The following LINGO2 variants were observed in gnomAD, a reference collection of about 807,000 sequenced individuals.
LINGO2 encodes leucine-rich repeat and immunoglobulin-like domain-containing nogo receptor-interacting protein 2.
LINGO2 carries 14 observed loss-of-function variants against 30.6 expected under a neutral mutation model. The observed-to-expected ratio is 0.46, with a 90% confidence interval of 0.30 to 0.72. LINGO2 has a LOEUF of 0.72. Ranked by LOEUF, LINGO2 falls within the 30% of genes least tolerant of loss-of-function variation. The probability of loss-of-function intolerance (pLI) is 0.07; values close to 1 mark genes in which losing one functional copy is unlikely to be tolerated. For synonymous variants in LINGO2, 317 were observed against 288.5 expected, an observed-to-expected ratio of 1.10 and a Z score of -1.00; for missense variants, 729 against 751.7, an observed-to-expected ratio of 0.97 and a Z score of 0.35.
the LINGO2 span, among the ~76,000 whole-genome samples, chr9:28,882,773 T>C: frequency 1.3e-5 from 2 of 152,150 alleles, no homozygotes; most frequent in African/African-American, 2.4e-5. Context: ...ATCCTCCCTA[T>C]CCTTTGCTGC....
At chr9:29,176,455 C>T in the LINGO2 span, among the ~76,000 whole-genome samples, 15 of 152,192 alleles carry the variant, frequency 9.9e-5, no homozygotes, top group Non-Finnish European at 1.8e-4. Context: ...TCTTTACAAT[C>T]CCTGTCCCCT....
the LINGO2 span, among the ~76,000 whole-genome samples, chr9:28,788,281 G>T: frequency 6.6e-6 from 1 of 152,148 alleles, no homozygotes; most frequent in Non-Finnish European, 1.5e-5. Context: ...CTACACTACA[G>T]TGAACTGTGT....
At chr9:28,418,719 T>C (rs1241882614) in intron 2 of LINGO2, among the ~76,000 whole-genome samples, 2 of 152,134 alleles carry the variant, frequency 1.3e-5, no homozygotes, top group Admixed American at 1.3e-4. Context: ...ATTTAATAAA[T>C]GCAAATGATC....
At position 28,517,978 on chromosome 9, in the gene LINGO2, G is replaced by A. The variant is rs76899834; in HGVS notation, c.-364-41953C>T. On this transcript the variant is annotated intron_variant, in intron 1 of 5. Coordinates refer to ENST00000379992, the Ensembl canonical transcript of LINGO2. Reference sequence around the variant, plus strand: ...ACATAGCAGTCTGGAAATGAGAAACGCAAAGCCAATTGGATTCCAAGATCT... The same window carrying A: ...ACATAGCAGTCTGGAAATGAGAAACACAAAGCCAATTGGATTCCAAGATCT... 5.5e-3 allele frequency among the ~76,000 whole-genome samples: 843 copies of A among 152,214 alleles called. 9 individuals carry two copies. The highest frequency in any genetic ancestry group is 0.019 in the African/African-American group (807 of 41,532).
In LINGO2 at chr9:28,507,007, G is replaced by A. The variant is rs180870102; in HGVS notation, c.-364-30982C>T. On this transcript the variant is annotated intron_variant, in intron 1 of 5. Transcript: ENST00000379992. ...GTGTAATGGAAAGTTCACACAATTTGGAATTAAACAAAAAGTTTGAATCTT... is the reference window on the plus strand; with the variant it reads ...GTGTAATGGAAAGTTCACACAATTTAGAATTAAACAAAAAGTTTGAATCTT... 4.4e-4 allele frequency among the ~76,000 whole-genome samples: 67 copies of A among 152,128 alleles called. 1 individual carries two copies. The highest frequency in any genetic ancestry group is 6.8e-3 in the Middle Eastern group (2 of 294).
intron 3 of LINGO2, among the ~76,000 whole-genome samples, chr9:28,353,721 C>G (rs868028789): frequency 6.6e-6 from 1 of 152,032 alleles, no homozygotes; most frequent in Non-Finnish European, 1.5e-5. Context: ...TATTGCGGCA[C>G]TATTCACAAT....
chr9:28,093,488 A>G (rs1057494871), intron 4 of LINGO2, among the ~76,000 whole-genome samples: 2 of 152,096 alleles, frequency 1.3e-5, no homozygotes, highest in Admixed American at 1.3e-4. Flanking sequence ...GACTGTATTT[A>G]GTGTGGCAAT....
chr9:28,863,567 C>T, the LINGO2 span: 23 of 506,778 alleles, frequency 4.5e-5, no homozygotes, highest in Non-Finnish European at 9.4e-5. Context: ...GGCTTGTTCT[C>T]AATGGCTCAG....
chr9:29,138,085 C>T, the LINGO2 span, among the ~76,000 whole-genome samples: 28 of 151,648 alleles, frequency 1.8e-4, no homozygotes, highest in African/African-American at 6.1e-4. Context: ...AAGCCAATTA[C>T]GGATTATACT....
In LINGO2 at chr9:28,643,838, G is replaced by A. The variant is rs73445518; in HGVS notation, c.-365+26362C>T. The stretch of plus-strand genomic sequence containing the variant: ...TATAAGGAGGTCAAACAACTCTATA[G>A]AAAAAAACATAAAAATCCACTTTAA... On this transcript the variant is annotated intron_variant, in intron 1 of 5. Coordinates refer to ENST00000379992, the Ensembl canonical transcript of LINGO2. Among the ~76,000 whole-genome samples the A allele has an allele frequency of 1.7e-3, 256 of 151,884 alleles. 1 individual carries two copies. The highest frequency in any genetic ancestry group is 5.8e-3 in the African/African-American group (239 of 41,440).
the LINGO2 span, among the ~76,000 whole-genome samples, chr9:28,802,655 C>T: frequency 6.6e-6 from 1 of 151,858 alleles, no homozygotes; most frequent in Non-Finnish European, 1.5e-5. Flanking sequence ...ACCCACCAGC[C>T]AACTTAACTT....
rs544013430 is a variant in LINGO2 at position 28,233,107 on chromosome 9, T to G, written c.-87+62101A>C. Among the ~76,000 whole-genome samples, 198 of 144,626 alleles carry G rather than the reference T, an allele frequency of 1.4e-3. 3 individuals are homozygous for G. The South Asian group carries it at 0.023, about 17-fold the overall frequency. 94.9% of individuals were successfully genotyped at this position (144,626 alleles called of 152,430 possible). On this transcript the variant is annotated intron_variant, in intron 4 of 5. Transcript: ENST00000379992. ...AGTAAACATTTTAAATATATGTGTG[T>G]GGGGGGGTCTATGTGTGTGTGTATG...
chr9:29,047,435 G>A, the LINGO2 span, among the ~76,000 whole-genome samples: 2 of 152,106 alleles, frequency 1.3e-5, no homozygotes, highest in Non-Finnish European at 1.5e-5. Flanking sequence ...TACATTGTTG[G>A]TGGGAGTGTA....
chr9:28,168,794 A>T (rs1828503455), intron 4 of LINGO2, among the ~76,000 whole-genome samples: 1 of 152,242 alleles, frequency 6.6e-6, no homozygotes, highest in Admixed American at 6.5e-5. Flanking sequence ...TGGGACAATA[A>T]AAATAGCTGA....
At chr9:27,958,548 TGAGA>T (rs61390280) in intron 5 of LINGO2, among the ~76,000 whole-genome samples, 42 of 151,876 alleles carry the variant, frequency 2.8e-4, no homozygotes, top group African/African-American at 9.4e-4. Context: ...TAAGGGAGAG[TGAGA>T]GAGAGAGACT....
At chr9:27,989,459 GTGTGTGTGTGTGTGTGTGTA>G (rs1305194634) in intron 5 of LINGO2, among the ~76,000 whole-genome samples, 3 of 151,138 alleles carry the variant, frequency 2.0e-5, no homozygotes, top group African/African-American at 7.3e-5. Flanking sequence ...GTGTGTGTGT[GTGTGTGTGTGTGTGTGTGTA>G]TGTGTGCAGG....
At chr9:28,311,628 G>A (rs554576711) in intron 3 of LINGO2, among the ~76,000 whole-genome samples, 1 of 152,160 alleles carries the variant, frequency 6.6e-6, no homozygotes, top group Non-Finnish European at 1.5e-5. Context: ...GCTCTTTTCT[G>A]TCTGGCTCAC....
intron 4 of LINGO2, among the ~76,000 whole-genome samples, chr9:28,257,974 C>T (rs1037352687): frequency 6.6e-6 from 1 of 151,910 alleles, no homozygotes; most frequent in African/African-American, 2.4e-5. Context: ...GCATAAAAAG[C>T]AGTCACATAG....
intron 1 of LINGO2, among the ~76,000 whole-genome samples, chr9:28,590,824 T>C (rs1229245409): frequency 6.6e-6 from 1 of 152,110 alleles, no homozygotes; most frequent in Non-Finnish European, 1.5e-5. Flanking sequence ...ACCCAAAGGA[T>C]TATAAATCAT....
Sources: allele counts gnomAD v4.1 joint callset (sites outside exome capture counted in the v4.1 genomes callset), GRCh38; gene constraint gnomAD v4.1.1; transcripts MANE v1.5; gene names NCBI Gene and HGNC (gene_info 2026-07-23, HGNC 2026-07-21).